Variants in ADORA2B observed in about 807,000 individuals in gnomAD.
The protein encoded by ADORA2B is adenosine A2b receptor.
ADORA2B carries 18 observed loss-of-function variants against 20.8 expected under a neutral mutation model. That is an observed-to-expected ratio of 0.87 (90% CI 0.60 to 1.29). The LOEUF (loss-of-function observed/expected upper bound fraction) is 1.29. Ranked by LOEUF, ADORA2B falls within the 50% of genes most tolerant of loss-of-function variation. The pLI is 0.00. For missense variants in ADORA2B, 441 were observed against 422.7 expected (o/e 1.04, Z -0.38); for synonymous variants, 179 against 178.3 (o/e 1.00, Z -0.03).
At chr17:15,858,103 A>G in the ADORA2B span, among the ~76,000 whole-genome samples, 1,518 of 151,620 alleles carry the variant, frequency 0.01, 25 homozygotes, top group African/African-American at 0.034. Context: ...TCTGTTTTCA[A>G]TTCTTTGGGA....
intron 1 of ADORA2B, among the ~76,000 whole-genome samples, chr17:15,962,312 C>A (rs917880379): frequency 6.6e-6 from 1 of 152,054 alleles, no homozygotes; most frequent in African/African-American, 2.4e-5. Flanking sequence ...CAAAACAAAA[C>A]AAGACACAAC....
At chr17:15,926,926 G>C in the ADORA2B span, among the ~76,000 whole-genome samples, 1 of 152,206 alleles carries the variant, frequency 6.6e-6, no homozygotes, top group Admixed American at 6.5e-5. Context: ...AGCCATGATT[G>C]CATCTCTGCA....
chr17:15,891,410 G>T, the ADORA2B span, among the ~76,000 whole-genome samples: 2 of 152,356 alleles, frequency 1.3e-5, no homozygotes, highest in South Asian at 4.1e-4. Flanking sequence ...TTATGTGTGC[G>T]TTTGCTTTGT....
chr17:15,885,231 C>G, the ADORA2B span, among the ~76,000 whole-genome samples: 1 of 152,122 alleles, frequency 6.6e-6, no homozygotes, highest in South Asian at 2.1e-4. Flanking sequence ...CCAGAAGTGT[C>G]TGTTCATGTA....
At chr17:15,943,229 G>A (rs756704789), upstream of ADORA2B, among the ~76,000 whole-genome samples, 21 of 152,206 alleles carry the variant, frequency 1.4e-4, no homozygotes, top group Non-Finnish European at 2.2e-4. Flanking sequence ...CCAGCTAGGA[G>A]GTCTACTGTG....
chr17:15,862,403 T>C, the ADORA2B span, among the ~76,000 whole-genome samples: 1 of 151,480 alleles, frequency 6.6e-6, no homozygotes, highest in South Asian at 2.1e-4. Flanking sequence ...TTTTTTTTAG[T>C]AGAGACAGGA....
the ADORA2B span, among the ~76,000 whole-genome samples, chr17:15,883,604 A>G: frequency 2.6e-5 from 4 of 152,348 alleles, no homozygotes; most frequent in African/African-American, 9.6e-5. Flanking sequence ...CACAACATGG[A>G]TGGGCCTGTG....
Position 15,955,113 on chromosome 17 carries a change from A to G in ADORA2B, c.335+9530A>G, listed in dbSNP as rs112888022. On this transcript the variant is annotated intron_variant, in intron 1 of 1. Transcript: ENST00000304222. ...CAAAGAATACAGTTGACCCTTGAAC[A>G]ACTTGGGTTTGAACTGTGTGGGTTC... 6.6e-3 allele frequency among the ~76,000 whole-genome samples: 999 copies of G among 152,306 alleles called. 19 individuals are homozygous for G. The highest frequency in any genetic ancestry group is 0.022 in the African/African-American group (934 of 41,570).
intron 1 of ADORA2B, among the ~76,000 whole-genome samples, chr17:15,973,204 A>G (rs1970209051): frequency 2.6e-5 from 4 of 152,206 alleles, no homozygotes; most frequent in Admixed American, 2.6e-4. Context: ...CTGGAGCCAC[A>G]GGTGGTGCTG....
At chr17:15,902,790 C>G in the ADORA2B span, among the ~76,000 whole-genome samples, 3 of 152,208 alleles carry the variant, frequency 2.0e-5, no homozygotes, top group African/African-American at 7.2e-5. Context: ...TGGATCTACA[C>G]TTCCTCAGTA....
chr17:15,856,571 A>C, the ADORA2B span, among the ~76,000 whole-genome samples: 1 of 152,140 alleles, frequency 6.6e-6, no homozygotes, highest in Non-Finnish European at 1.5e-5. Context: ...AGATGTGGGA[A>C]AGTTTGGAAC....
the ADORA2B span, among the ~76,000 whole-genome samples, chr17:15,884,734 T>C: frequency 6.6e-6 from 1 of 152,244 alleles, no homozygotes; most frequent in Non-Finnish European, 1.5e-5. Context: ...TCCATGTCTC[T>C]GCAAAGGATG....
Position 15,974,863 on chromosome 17 carries a change from G to A in ADORA2B, c.520G>A (p.Glu174Lys). ...ESCCLVKCLF[E>K]NVVPMSYMVY... The stretch of plus-strand genomic sequence containing the variant: ...CTGCTGCCTTGTGAAGTGTCTCTTT[G>A]AGAATGTGGTCCCCATGAGCTACAT... Residue 174 changes from glutamate to lysine, a missense_variant, in exon 2 of 2, where the codon GAG (glutamate) becomes AAG (lysine). Physicochemically the swap from Glu to Lys is moderately conservative, Grantham distance 56 (BLOSUM62 1). Transcript: ENST00000304222. The A allele has an allele frequency of 2.5e-6, 4 of 1,614,154 alleles. No homozygotes were observed. Among genetic ancestry groups the A allele is most frequent in the Non-Finnish European group, 3.4e-6 (4 of 1,180,052 alleles).
At chr17:15,940,530 C>G (rs1969734614), upstream of ADORA2B, among the ~76,000 whole-genome samples, 1 of 152,164 alleles carries the variant, frequency 6.6e-6, no homozygotes, top group African/African-American at 2.4e-5. Context: ...GGCTGTGACT[C>G]CTGATGTGTG....
rs61613212 is a variant in ADORA2B, at chr17:15,948,398, C to CGGTGGGGGGGGGGGGGGG, written c.335+2817_335+2818insTGGGGGGGGGGGGGGGGG. 3.5e-4 allele frequency among the ~76,000 whole-genome samples: 8 copies of CGGTGGGGGGGGGGGGGGG among 22,604 alleles called. 3 individuals carry two copies. Among genetic ancestry groups the CGGTGGGGGGGGGGGGGGG allele is most frequent in the Admixed American group, 1.1e-3 (2 of 1,874 alleles). 14.8% of individuals were successfully genotyped at this position (22,604 alleles called of 152,430 possible). On this transcript the variant is annotated intron_variant, in intron 1 of 1. Coordinates refer to ENST00000304222, the MANE Select transcript of ADORA2B (RefSeq NM_000676.4). ...GACAATTCCTGATGTTGGGCCCTGG[C>CGGTGGGGGGGGGGGGGGG]GGCGGGGGGCTCCAGTCCCCAGTGG... is the stretch of plus-strand genomic sequence containing the variant.
At chr17:15,881,770 TC>T in the ADORA2B span, among the ~76,000 whole-genome samples, 1 of 152,240 alleles carries the variant, frequency 6.6e-6, no homozygotes, top group South Asian at 2.1e-4. Context: ...TGCTTCTGCA[TC>T]CATCTGTCCA....
chr17:15,884,762 A>C, the ADORA2B span, among the ~76,000 whole-genome samples: 1 of 152,042 alleles, frequency 6.6e-6, no homozygotes, highest in Non-Finnish European at 1.5e-5. Flanking sequence ...GTTCCTTTTT[A>C]TGGCTGCATA....
the ADORA2B span, among the ~76,000 whole-genome samples, chr17:15,883,377 T>TTA: frequency 6.6e-6 from 1 of 152,232 alleles, no homozygotes. Flanking sequence ...AACTTATGAC[T>TTA]TAATGTCTCT....
At chr17:15,905,921 T>C in the ADORA2B span, among the ~76,000 whole-genome samples, 6 of 152,248 alleles carry the variant, frequency 3.9e-5, no homozygotes, top group African/African-American at 1.4e-4. Context: ...CCCAAAGTGC[T>C]AGGATTACAG....
Sources: allele counts gnomAD v4.1 joint callset (sites outside exome capture counted in the v4.1 genomes callset), GRCh38; gene constraint gnomAD v4.1.1; transcripts MANE v1.5; gene names NCBI Gene and HGNC (gene_info 2026-07-23, HGNC 2026-07-21).